Variants in SLC12A5 observed in about 807,000 individuals in gnomAD.
The protein encoded by SLC12A5 is solute carrier family 12 member 5.
In SLC12A5, 18 loss-of-function variants were observed where a neutral mutation model predicts 124.0. The ratio of observed to expected loss-of-function variants is 0.15; its 90% confidence interval spans 0.10 to 0.22. SLC12A5 has a LOEUF of 0.22. SLC12A5 is among the 10% of genes least tolerant of loss of function. SLC12A5 has a pLI of 1.00. For synonymous variants in SLC12A5, 589 were observed against 568.0 expected (o/e 1.04, Z -0.53); for missense variants, 867 against 1,478.7 (o/e 0.59, Z 6.78).
At chr20:46,044,910 C>T in intron 11 of SLC12A5, 56 bp from the exon 12 acceptor site, 2 of 1,604,664 alleles carry the variant, frequency 1.2e-6, no homozygotes. Flanking sequence ...TGGAGACCTG[C>T]CCTGGAAATC....
At position 46,055,036 on chromosome 20, in the gene SLC12A5, T is replaced by C; in HGVS notation, c.2787+13T>C. ...GCGGGAGCGGGAGGTGAGGTTGCCC[T>C]GGCTGGCCCCTGAGAGCCTCAAACT... is the stretch of plus-strand genomic sequence containing the variant. On this transcript the variant is annotated intron_variant, in intron 21 of 25. Coordinates refer to ENST00000243964, the MANE Select transcript of SLC12A5 (RefSeq NM_020708.5). 6.2e-7 allele frequency: 1 copy of C among 1,609,006 alleles called. No individual in the cohort carries two copies. The highest frequency in any genetic ancestry group is 1.3e-5 in the African/African-American group (1 of 74,928).
At chr20:46,044,590 T>C (rs1485694064) in intron 11 of SLC12A5, among the ~76,000 whole-genome samples, 2 of 152,136 alleles carry the variant, frequency 1.3e-5, no homozygotes, top group Non-Finnish European at 2.9e-5. Context: ...CCTGCAGCTG[T>C]GAGTGCTCAC....
chr20:46,055,567 CA>C, intron 21 of SLC12A5, among the ~76,000 whole-genome samples: 1 of 152,096 alleles, frequency 6.6e-6, no homozygotes, highest in African/African-American at 2.4e-5. Context: ...AAGACCCACC[CA>C]AGGGAGTGGA....
intron 1 of SLC12A5, among the ~76,000 whole-genome samples, chr20:46,032,385 G>A (rs1244983707): frequency 6.6e-6 from 1 of 152,248 alleles, no homozygotes; most frequent in Non-Finnish European, 1.5e-5. Flanking sequence ...GGGATGCTGC[G>A]GGGAAATGGA....
chr20:46,042,145 A>T (rs923855168), intron 8 of SLC12A5, among the ~76,000 whole-genome samples: 2 of 152,200 alleles, frequency 1.3e-5, no homozygotes, highest in African/African-American at 4.8e-5. Flanking sequence ...AGAGCAAAAT[A>T]AGGTGGAGAA....
At position 46,057,864 on chromosome 20, in the gene SLC12A5, T is replaced by G; in HGVS notation, c.*259T>G. 2.3e-6 allele frequency: 1 copy of G among 432,866 alleles called. No individual in the cohort carries two copies. Among genetic ancestry groups the G allele is most frequent in the Non-Finnish European group, 4.1e-6 (1 of 245,518 alleles). The allele number at this position is 432,866 out of a possible 1,614,324, so 26.8% of individuals were successfully genotyped here. On this transcript the variant is annotated 3_prime_UTR_variant, in exon 26 of 26. Coordinates refer to ENST00000243964, the MANE Select transcript of SLC12A5 (RefSeq NM_020708.5). The surrounding 1 kb of genome is among the most constrained non-coding windows in gnomAD (Gnocchi z 7.1). ...CCCTTTTTCTAAGCCCGGCCTCGTC[T>G]CGCCGGAGGAGACGCTGCAATAAAG...
chr20:46,023,453 A>G (rs2145466308), exon 3 of SLC12A5: 1 of 398,876 alleles, frequency 2.5e-6, no homozygotes, highest in Admixed American at 4.4e-5. Flanking sequence ...CTCTGTCATC[A>G]TCGCCCTGCT....
At chr20:46,025,261 G>T (rs543956225), upstream of SLC12A5, among the ~76,000 whole-genome samples, 469 of 152,304 alleles carry the variant, frequency 3.1e-3, 2 homozygotes, top group African/African-American at 0.011. Flanking sequence ...AAATTGGGAA[G>T]AATAATGCTG....
In SLC12A5 at chr20:46,057,200, G is replaced by A. The variant is rs200558731; in HGVS notation, c.3156G>A (p.Thr1052=). The change falls in exon 25 of 26, where the codon ACG becomes ACA. Residue 1052 remains threonine, a synonymous_variant. Coordinates refer to ENST00000243964, the MANE Select transcript of SLC12A5 (RefSeq NM_020708.5). This position sits in a 1 kb window ranked among gnomAD's most constrained non-coding sequence, Gnocchi z 7.1. ...LNQSNVRRMH[T]AVRLNEVIVK... is the part of the protein sequence containing the mutation. Reference sequence around the variant, plus strand: ...AGTCCAACGTGCGGCGCATGCACACGGCCGTGCGGCTGAACGAGGTCATCG... The same window carrying A: ...AGTCCAACGTGCGGCGCATGCACACAGCCGTGCGGCTGAACGAGGTCATCG... 8.7e-6 allele frequency: 14 copies of A among 1,614,196 alleles called. No homozygotes were observed. The Admixed American group carries it at 1.8e-4, about 21-fold the overall frequency.
chr20:46,041,930 G>GGGT (rs2084551686), intron 8 of SLC12A5, among the ~76,000 whole-genome samples: 1 of 152,018 alleles, frequency 6.6e-6, no homozygotes, highest in Admixed American at 6.6e-5. Context: ...AATGCCCGGG[G>GGGT]GGGGAGAGTT....
In SLC12A5 at chr20:46,052,951, C is replaced by T. The variant is rs1406179990; in HGVS notation, c.2378-6C>T. On this transcript the variant is annotated splice_region_variant and splice_polypyrimidine_tract_variant and intron_variant, in intron 18 of 25. Coordinates refer to ENST00000243964, the MANE Select transcript of SLC12A5 (RefSeq NM_020708.5). ...CCCCTCTGGCCCTCTCCTTGGCCTC[C>T]CTCAGAGCTGGTCCGGGAAACCACA... is the stretch of plus-strand genomic sequence containing the variant. 2 of 1,607,352 alleles carry T rather than the reference C, an allele frequency of 1.2e-6. No homozygotes were observed. The highest frequency in any genetic ancestry group is 8.5e-7 in the Non-Finnish European group (1 of 1,174,800).
chr20:46,032,901 G>A (rs1159785102), intron 1 of SLC12A5, among the ~76,000 whole-genome samples: 2 of 152,216 alleles, frequency 1.3e-5, no homozygotes, highest in Non-Finnish European at 2.9e-5. Flanking sequence ...GAGCCCTGGA[G>A]AACTTAGCTC....
chr20:46,029,190 G>A, upstream of SLC12A5: 12 of 1,439,100 alleles, frequency 8.3e-6, no homozygotes, highest in Non-Finnish European at 1.0e-5. Flanking sequence ...CCGTGTGCGA[G>A]TGTGTGTGCG....
chr20:46,033,289 G>C (rs2084469500), intron 1 of SLC12A5, among the ~76,000 whole-genome samples: 1 of 152,130 alleles, frequency 6.6e-6, no homozygotes, highest in Non-Finnish European at 1.5e-5. Flanking sequence ...GGTGCCTAGG[G>C]CCTCAATTTC....
At chr20:46,023,662 C>T, downstream of SLC12A5, 1 of 390,154 alleles carries the variant, frequency 2.6e-6, no homozygotes, top group East Asian at 3.6e-5. Flanking sequence ...AGGAAAACTC[C>T]TATTCGTTCT....
At chr20:46,043,130 CT>C in intron 8 of SLC12A5, 22 bp from the exon 9 acceptor site, 1 of 1,611,150 alleles carries the variant, frequency 6.2e-7, no homozygotes. Flanking sequence ...TGGCCTCCCC[CT>C]GAGCATTCTG....
chr20:46,057,577 G>A lies in SLC12A5; in HGVS notation c.3323G>A (p.Gly1108Asp), dbSNP rs1167419532. The part of the protein sequence containing the change: ...LDRVMLVRGG[G>D]REVITIYS ...CGGGTGATGCTGGTCCGCGGCGGCGGCCGCGAGGTCATCACCATCTACTCC... is the reference window on the plus strand; with the variant it reads ...CGGGTGATGCTGGTCCGCGGCGGCGACCGCGAGGTCATCACCATCTACTCC... The change falls in exon 26 of 26, where the codon GGC (glycine) becomes GAC (aspartate). Residue 1108 changes from glycine (G) to aspartate (D), a missense_variant. Physicochemically the swap from Gly to Asp is moderately conservative, Grantham distance 94 (BLOSUM62 -1). This residue lies in a region of SLC12A5 where 180 missense variants were observed against 243.6 expected (regional missense o/e 0.74). Transcript: ENST00000243964. The surrounding 1 kb of genome is among the most constrained non-coding windows in gnomAD (Gnocchi z 7.1). 1 of 1,613,932 alleles carries A rather than the reference G, an allele frequency of 6.2e-7. No homozygotes were observed.
Position 46,056,988 on chromosome 20 carries a change from C to T in SLC12A5, c.3125+77C>T. 4.4e-6 allele frequency: 7 copies of T among 1,606,222 alleles called. No homozygotes were observed. The highest frequency in any genetic ancestry group is 6.0e-6 in the Non-Finnish European group (7 of 1,173,168). ...TACCCTCCTCACTCTGTTGTGAACCCCTAATTGGTGCCACGACCTCTGGGA... is the reference window on the plus strand; with the variant it reads ...TACCCTCCTCACTCTGTTGTGAACCTCTAATTGGTGCCACGACCTCTGGGA... On this transcript the variant is annotated intron_variant, in intron 24 of 25. Transcript: ENST00000243964. The surrounding 1 kb of genome is among the most constrained non-coding windows in gnomAD (Gnocchi z 4.3).
chr20:46,037,103 G>T, intron 5 of SLC12A5, 152 bp from the exon 6 acceptor site: 1 of 1,178,258 alleles, frequency 8.5e-7, no homozygotes, highest in African/African-American at 1.5e-5. Context: ...GTGGTTGCTT[G>T]GGTCTCTCAC....
Sources: gnomAD v4.1 joint callset for allele counts (sites outside exome capture counted in the v4.1 genomes callset) on GRCh38, gnomAD v4.1.1 for gene constraint, gnomAD v4.1.1 regional missense constraint, Gnocchi (gnomAD v3.1) non-coding constraint, MANE v1.5 for transcripts, NCBI Gene and HGNC (gene_info 2026-07-23, HGNC 2026-07-21) for gene names.